ERC2: variants seen among roughly 807,000 people sequenced by gnomAD.
The protein encoded by ERC2 is ERC protein 2.
In ERC2, 42 loss-of-function variants were observed where a neutral mutation model predicts 114.8. That is an observed-to-expected ratio of 0.37 (90% CI 0.29 to 0.47). The LOEUF is 0.47. ERC2 is among the 20% of genes least tolerant of loss of function. The pLI is 0.99. For missense variants in ERC2, 939 were observed against 1,150.7 expected, an observed-to-expected ratio of 0.82 and a Z score of 2.66; for synonymous variants, 454 against 425.5, an observed-to-expected ratio of 1.07 and a Z score of -0.82.
chr3:56,181,079 A>G (rs1472080972), intron 3 of ERC2, among the ~76,000 whole-genome samples: 1 of 152,200 alleles, frequency 6.6e-6, no homozygotes, highest in African/African-American at 2.4e-5. Context: ...AACAATATTT[A>G]TGTTTTCAAA....
rs949124737 is a variant in ERC2 at position 56,434,186 on chromosome 3, T to A, written c.657+165A>T. On this transcript the variant is annotated intron_variant, in intron 2 of 17. Transcript: ENST00000288221. Reference sequence around the variant, plus strand: ...AAGGAAATTACAAGCTGTAATGGTATATTTCCTATGCTCTCTCATAGTGTC... The same window carrying A: ...AAGGAAATTACAAGCTGTAATGGTAAATTTCCTATGCTCTCTCATAGTGTC... 12 of 624,394 alleles carry A rather than the reference T, an allele frequency of 1.9e-5. No individual in the cohort carries two copies. In the African/African-American group the frequency reaches 2.0e-4, roughly 11 times the overall value. The allele number at this position is 624,394 out of a possible 1,614,324, so 38.7% of individuals were successfully genotyped here. A position where few individuals can be genotyped will look rare whatever the true frequency, so the allele number is the denominator to read the frequency against.
At chr3:55,818,585 C>G (rs752795918) in intron 14 of ERC2, among the ~76,000 whole-genome samples, 6 of 152,204 alleles carry the variant, frequency 3.9e-5, no homozygotes, top group Non-Finnish European at 7.3e-5. Flanking sequence ...TCACTGGCTA[C>G]TTGCAAGCTG....
chr3:56,066,992 A>G (rs917454128), intron 7 of ERC2, among the ~76,000 whole-genome samples: 13 of 152,208 alleles, frequency 8.5e-5, no homozygotes, highest in African/African-American at 3.1e-4. Flanking sequence ...TAATGCCTCC[A>G]GCTTTGTTCT....
intron 1 of ERC2, among the ~76,000 whole-genome samples, chr3:56,464,542 A>C (rs893473870): frequency 2.6e-5 from 4 of 152,224 alleles, no homozygotes; most frequent in African/African-American, 4.8e-5. Flanking sequence ...AAGCTGACTA[A>C]TATATCTTAT....
intron 1 of ERC2, among the ~76,000 whole-genome samples, chr3:56,443,763 AGC>A (rs2062428983): frequency 1.3e-5 from 2 of 151,944 alleles, no homozygotes; most frequent in Non-Finnish European, 2.9e-5. Context: ...AACTTTATTG[AGC>A]AATCAATAAT....
intron 1 of ERC2, among the ~76,000 whole-genome samples, chr3:56,458,092 C>T (rs1031672929): frequency 3.3e-5 from 5 of 152,160 alleles, no homozygotes; most frequent in Admixed American, 6.5e-5. Flanking sequence ...TACACTTTTA[C>T]GACGACTACA....
At chr3:56,147,648 C>T (rs2081209911) in intron 5 of ERC2, among the ~76,000 whole-genome samples, 1 of 152,180 alleles carries the variant, frequency 6.6e-6, no homozygotes, top group South Asian at 2.1e-4. Flanking sequence ...ATTACTCTAA[C>T]TCTGCTGCAT....
At chr3:55,911,651 A>G (rs2064822434) in intron 13 of ERC2, among the ~76,000 whole-genome samples, 1 of 152,194 alleles carries the variant, frequency 6.6e-6, no homozygotes, top group African/African-American at 2.4e-5. Flanking sequence ...AATTTCTTCA[A>G]TTTCACAGAG....
At chr3:56,242,361 T>C (rs1576034277) in intron 3 of ERC2, among the ~76,000 whole-genome samples, 1 of 152,106 alleles carries the variant, frequency 6.6e-6, no homozygotes, top group East Asian at 1.9e-4. Flanking sequence ...TTGGGTACAG[T>C]GTACACTGCT....
intron 15 of ERC2, among the ~76,000 whole-genome samples, chr3:55,719,844 C>G (rs1363012036): frequency 1.3e-5 from 2 of 152,136 alleles, no homozygotes; most frequent in East Asian, 1.9e-4. Flanking sequence ...GCAGACCCCC[C>G]AGAAGCCTAG....
chr3:55,826,886 C>G (rs902571719), intron 14 of ERC2, among the ~76,000 whole-genome samples: 4 of 152,190 alleles, frequency 2.6e-5, no homozygotes, highest in African/African-American at 9.7e-5. Context: ...GGGAGGGGTT[C>G]CAACTCTCCT....
At chr3:56,153,670 G>T (rs1177312026) in intron 4 of ERC2, among the ~76,000 whole-genome samples, 1 of 152,134 alleles carries the variant, frequency 6.6e-6, no homozygotes, top group Non-Finnish European at 1.5e-5. Flanking sequence ...CCCTTAAACA[G>T]CAAGAAACAG....
intron 2 of ERC2, among the ~76,000 whole-genome samples, chr3:56,357,186 T>A (rs1198311991): frequency 6.6e-6 from 1 of 152,190 alleles, no homozygotes; most frequent in Non-Finnish European, 1.5e-5. Flanking sequence ...CAAAGGGCTC[T>A]AAGCCCCTTA....
chr3:55,831,149 A>AG (rs2060551977), intron 14 of ERC2, among the ~76,000 whole-genome samples: 1 of 149,590 alleles, frequency 6.7e-6, no homozygotes, highest in Non-Finnish European at 1.5e-5. Flanking sequence ...CTACAAAAAA[A>AG]AAAAAAAATT....
intron 2 of ERC2, among the ~76,000 whole-genome samples, chr3:56,393,821 C>T (rs2060210348): frequency 6.6e-6 from 1 of 152,126 alleles, no homozygotes; most frequent in African/African-American, 2.4e-5. Flanking sequence ...AGCTACACTG[C>T]CATAAGCCTC....
At chr3:55,706,150 C>T (rs1260396246) in intron 15 of ERC2, among the ~76,000 whole-genome samples, 1 of 152,124 alleles carries the variant, frequency 6.6e-6, no homozygotes, top group Non-Finnish European at 1.5e-5. Flanking sequence ...AGCATCCTGG[C>T]CCCTCAGTGG....
chr3:55,744,860 C>T (rs116413779), intron 14 of ERC2, among the ~76,000 whole-genome samples: 160 of 152,312 alleles, frequency 1.1e-3, no homozygotes, highest in African/African-American at 3.7e-3. Flanking sequence ...TACCGGTAAC[C>T]GGATCATCGT....
intron 12 of ERC2, among the ~76,000 whole-genome samples, chr3:55,981,396 C>T (rs2070125398): frequency 6.6e-6 from 1 of 152,182 alleles, no homozygotes; most frequent in East Asian, 1.9e-4. Flanking sequence ...GAAAAGCACA[C>T]CTGAAACCTG....
chr3:56,443,012 C>G (rs981341439), intron 1 of ERC2, among the ~76,000 whole-genome samples: 3 of 152,074 alleles, frequency 2.0e-5, no homozygotes, highest in Non-Finnish European at 4.4e-5. Flanking sequence ...AAATCAACCC[C>G]AATCAGAATT....
Sources: allele counts gnomAD v4.1 joint callset (sites outside exome capture counted in the v4.1 genomes callset), GRCh38; gene constraint gnomAD v4.1.1; transcripts MANE v1.5; gene names NCBI Gene and HGNC (gene_info 2026-07-23, HGNC 2026-07-21).